Variants in MYO16 observed in about 807,000 individuals in gnomAD.
MYO16 encodes the protein myosin XVI.
Under a neutral mutation model 205.3 loss-of-function variants are expected in MYO16, and 94 were observed. That is an observed-to-expected ratio of 0.46 (90% confidence interval 0.39 to 0.54). The LOEUF is 0.54. MYO16 is among the 20% of genes least tolerant of loss of function. The probability of loss-of-function intolerance (pLI) is 0.00; values close to 1 mark genes in which losing one functional copy is unlikely to be tolerated. For synonymous variants in MYO16, 988 were observed against 954.0 expected, an observed-to-expected ratio of 1.04 and a Z score of -0.66; for missense variants, 2,315 against 2,387.5, an observed-to-expected ratio of 0.97 and a Z score of 0.63.
intron 20 of MYO16, among the ~76,000 whole-genome samples, chr13:108,983,367 A>G (rs1416863110): frequency 2.6e-5 from 4 of 152,174 alleles, no homozygotes; most frequent in Admixed American, 1.3e-4. Flanking sequence ...ATTCTGTGGG[A>G]TATTCATCCA....
chr13:108,874,543 TGA>T (rs1158670954), intron 12 of MYO16, among the ~76,000 whole-genome samples: 5 of 152,010 alleles, frequency 3.3e-5, no homozygotes, highest in Admixed American at 6.6e-5. Context: ...TTGAATAAGC[TGA>T]GACTTGAGGT....
intron 28 of MYO16, among the ~76,000 whole-genome samples, chr13:109,111,080 A>G (rs1368636170): frequency 6.6e-6 from 1 of 152,234 alleles, no homozygotes; most frequent in African/African-American, 2.4e-5. Flanking sequence ...CAGGAAAAAT[A>G]TAAATATAAT....
chr13:108,809,818 A>G (rs982046413), intron 7 of MYO16, among the ~76,000 whole-genome samples: 1 of 152,232 alleles, frequency 6.6e-6, no homozygotes, highest in African/African-American at 2.4e-5. Context: ...AGAAAGGGCC[A>G]GCGCTGGGTA....
At chr13:108,745,925 C>T (rs1470438833) in intron 4 of MYO16, among the ~76,000 whole-genome samples, 1 of 152,092 alleles carries the variant, frequency 6.6e-6, no homozygotes, top group Non-Finnish European at 1.5e-5. Context: ...CGGTGGCTCA[C>T]GCCTGTAATC....
chr13:108,677,749 A>G (rs1882295023), intron 2 of MYO16, among the ~76,000 whole-genome samples: 1 of 152,170 alleles, frequency 6.6e-6, no homozygotes, highest in African/African-American at 2.4e-5. Flanking sequence ...AAAACATGAA[A>G]TCTGTCATTT....
chr13:108,665,189 G>A (rs1241263178), intron 1 of MYO16, among the ~76,000 whole-genome samples: 4 of 152,046 alleles, frequency 2.6e-5, no homozygotes, highest in Non-Finnish European at 4.4e-5. Flanking sequence ...GGGCTTATGC[G>A]ATCCCCCACC....
intron 32 of MYO16, among the ~76,000 whole-genome samples, chr13:109,164,556 T>G (rs1023768195): frequency 6.6e-6 from 1 of 152,234 alleles, no homozygotes; most frequent in African/African-American, 2.4e-5. Context: ...TTAATTTATT[T>G]AAATGTAATC....
At chr13:108,875,070 T>C (rs976932943) in intron 12 of MYO16, among the ~76,000 whole-genome samples, 10 of 152,190 alleles carry the variant, frequency 6.6e-5, no homozygotes, top group African/African-American at 2.4e-4. Context: ...GGAGGGACTT[T>C]ATCCATTAAG....
chr13:108,698,706 T>C (rs544229718), intron 2 of MYO16, among the ~76,000 whole-genome samples: 28 of 152,338 alleles, frequency 1.8e-4, no homozygotes, highest in African/African-American at 6.7e-4. Flanking sequence ...AAGTTCTATT[T>C]GAGATTTCTA....
At chr13:108,838,747 T>A (rs1314538099) in intron 9 of MYO16, among the ~76,000 whole-genome samples, 1 of 92,304 alleles carries the variant, frequency 1.1e-5, no homozygotes, top group African/African-American at 4.4e-5. Flanking sequence ...ATACACTATA[T>A]ATATATACAC....
intron 33 of MYO16, among the ~76,000 whole-genome samples, chr13:109,170,768 G>C (rs1355192528): frequency 6.6e-6 from 1 of 152,056 alleles, no homozygotes; most frequent in African/African-American, 2.4e-5. Flanking sequence ...GGAGATGTTT[G>C]TGAAATAGGA....
At chr13:108,956,638 T>C (rs892647559) in intron 16 of MYO16, among the ~76,000 whole-genome samples, 2 of 152,208 alleles carry the variant, frequency 1.3e-5, no homozygotes, top group South Asian at 2.1e-4. Context: ...GTATGCATCA[T>C]GCTTGACCAA....
chr13:108,589,949 C>A, the MYO16 span, among the ~76,000 whole-genome samples: 1 of 152,170 alleles, frequency 6.6e-6, no homozygotes, highest in East Asian at 1.9e-4. Flanking sequence ...CAAATTTCCT[C>A]AGTTTAATTC....
intron 2 of MYO16, among the ~76,000 whole-genome samples, chr13:108,673,855 C>A (rs1364112831): frequency 6.7e-6 from 1 of 150,106 alleles, no homozygotes; most frequent in Non-Finnish European, 1.5e-5. Flanking sequence ...CTTCCCAAAC[C>A]AAAACTTCCT....
intron 28 of MYO16, among the ~76,000 whole-genome samples, chr13:109,113,974 C>A (rs1057427774): frequency 3.9e-5 from 6 of 152,078 alleles, no homozygotes; most frequent in Non-Finnish European, 8.8e-5. Flanking sequence ...TGAGCTCTCA[C>A]GAGCAGTCTG....
intron 2 of MYO16, among the ~76,000 whole-genome samples, chr13:108,701,075 C>T (rs895661937): frequency 1.3e-5 from 2 of 152,082 alleles, no homozygotes; most frequent in African/African-American, 4.8e-5. Context: ...TTGACTACTA[C>T]GATAAATGAG....
chr13:108,598,450 A>C (rs371962575), intron 1 of MYO16, among the ~76,000 whole-genome samples: 72 of 152,350 alleles, frequency 4.7e-4, no homozygotes, highest in African/African-American at 1.6e-3. Flanking sequence ...ATTCAAATGC[A>C]TATAACAAAC....
At chr13:108,586,789 G>A in the MYO16 span, among the ~76,000 whole-genome samples, 1 of 152,208 alleles carries the variant, frequency 6.6e-6, no homozygotes, top group Non-Finnish European at 1.5e-5. Flanking sequence ...TCTCCAGCTT[G>A]TCTGTCCTTA....
At chr13:108,716,493 A>C (rs999304985) in intron 3 of MYO16, among the ~76,000 whole-genome samples, 1 of 152,232 alleles carries the variant, frequency 6.6e-6, no homozygotes, top group African/African-American at 2.4e-5. Context: ...GCTCAGTGCT[A>C]AAGTCTCCTT....
Sources: gnomAD v4.1 joint callset for allele counts (sites outside exome capture counted in the v4.1 genomes callset) on GRCh38, gnomAD v4.1.1 for gene constraint, MANE v1.5 for transcripts, NCBI Gene and HGNC (gene_info 2026-07-23, HGNC 2026-07-21) for gene names.